TMEM132C: variants seen among roughly 807,000 people sequenced by gnomAD.
The protein encoded by TMEM132C is protein phosphatase 1, regulatory subunit 152.
A neutral mutation model predicts 61.4 loss-of-function variants in TMEM132C; 29 were observed. That is an observed-to-expected ratio of 0.47 (90% CI 0.35 to 0.64). The LOEUF (loss-of-function observed/expected upper bound fraction) is 0.64, where lower values mean the gene tolerates loss of function less well. Ranked by LOEUF, TMEM132C falls within the 30% of genes least tolerant of loss-of-function variation. The pLI is 0.00. For synonymous variants in TMEM132C, 656 were observed against 633.1 expected, an observed-to-expected ratio of 1.04 and a Z score of -0.54; for missense variants, 1,408 against 1,476.9, an observed-to-expected ratio of 0.95 and a Z score of 0.76.
chr12:128,448,947 C>T lies in TMEM132C; in HGVS notation c.974+33327C>T, dbSNP rs184284203. Among the ~76,000 whole-genome samples, 1,339 of 151,848 alleles carry T rather than the reference C, an allele frequency of 8.8e-3. 13 individuals are homozygous for T. The highest frequency in any genetic ancestry group is 0.011 in the Admixed American group (162 of 15,248). The stretch of plus-strand genomic sequence containing the variant: ...GGTCAGGAGATCGAGACCATCCTGG[C>T]TAACACGGCGAAACCCTGTCTCTAC... On this transcript the variant is annotated intron_variant, in intron 2 of 8. Transcript: ENST00000435159.
At chr12:128,608,510 A>G (rs1224553927) in intron 3 of TMEM132C, among the ~76,000 whole-genome samples, 1 of 152,246 alleles carries the variant, frequency 6.6e-6, no homozygotes, top group African/African-American at 2.4e-5. Context: ...GTCAGAATTC[A>G]AACCCAAATG....
intron 3 of TMEM132C, among the ~76,000 whole-genome samples, chr12:128,562,294 A>G (rs945619175): frequency 1.3e-5 from 2 of 152,228 alleles, no homozygotes; most frequent in African/African-American, 4.8e-5. Context: ...CTCTTAACAT[A>G]GAGAGATTAT....
intron 2 of TMEM132C, among the ~76,000 whole-genome samples, chr12:128,535,447 G>A (rs575746148): frequency 7.9e-5 from 12 of 152,196 alleles, no homozygotes; most frequent in South Asian, 4.2e-4. Flanking sequence ...CAGACACTTC[G>A]CAAAAGAAGA....
At position 128,358,565 on chromosome 12, in the gene TMEM132C, C is replaced by T. The variant is rs530165602; in HGVS notation, c.86-56167C>T. On this transcript the variant is annotated intron_variant, in intron 1 of 8. Transcript: ENST00000435159. ...GCCTGAACTTCCTAAAGAACCAGTA[C>T]GTGGCGTGATAGTTTTAGGAGCTAA... Among the ~76,000 whole-genome samples the T allele has an allele frequency of 1.9e-4, 28 of 146,114 alleles. 1 individual carries two copies. In the South Asian group the frequency reaches 4.2e-3, roughly 22 times the overall value.
At chr12:128,663,873 C>A (rs1331682372) in intron 4 of TMEM132C, among the ~76,000 whole-genome samples, 2 of 145,134 alleles carry the variant, frequency 1.4e-5, no homozygotes, top group Non-Finnish European at 3.1e-5. Flanking sequence ...CACAGGCACA[C>A]ACACATACAG....
intron 2 of TMEM132C, among the ~76,000 whole-genome samples, chr12:128,502,859 G>A (rs896927048): frequency 4.6e-5 from 7 of 152,210 alleles, no homozygotes; most frequent in Non-Finnish European, 1.0e-4. Flanking sequence ...TTTGGGCCGG[G>A]ATGCTCCCTT....
intron 2 of TMEM132C, among the ~76,000 whole-genome samples, chr12:128,439,720 T>C (rs1306448582): frequency 6.6e-6 from 1 of 152,144 alleles, no homozygotes; most frequent in Admixed American, 6.5e-5. Context: ...AGTATTTTTA[T>C]CTTTACTCTC....
At chr12:128,665,254 C>T (rs982084454) in intron 4 of TMEM132C, among the ~76,000 whole-genome samples, 2 of 150,356 alleles carry the variant, frequency 1.3e-5, no homozygotes, top group Non-Finnish European at 3.0e-5. Flanking sequence ...CACATAGGCA[C>T]TCGCACATAC....
At chr12:128,500,208 C>A (rs745713243) in intron 2 of TMEM132C, among the ~76,000 whole-genome samples, 6 of 152,264 alleles carry the variant, frequency 3.9e-5, no homozygotes, top group African/African-American at 7.2e-5. Context: ...AAAATTAATG[C>A]AAAATCTACT....
intron 3 of TMEM132C, among the ~76,000 whole-genome samples, chr12:128,580,367 G>C (rs978396084): frequency 5.9e-5 from 9 of 152,106 alleles, no homozygotes; most frequent in Non-Finnish European, 1.2e-4. Context: ...CTTGCAGTGA[G>C]CAGAGATCGC....
At chr12:128,428,804 C>G (rs1869284911) in intron 2 of TMEM132C, among the ~76,000 whole-genome samples, 1 of 152,158 alleles carries the variant, frequency 6.6e-6, no homozygotes, top group Non-Finnish European at 1.5e-5. Context: ...GACGGGTTCC[C>G]CAGCCTTTCT....
At chr12:128,473,269 C>T (rs1317184917) in intron 2 of TMEM132C, among the ~76,000 whole-genome samples, 178 of 1,342 alleles carry the variant, frequency 0.13, no homozygotes, top group African/African-American at 0.2. Flanking sequence ...CACTCCAACC[C>T]CTATCTTCAT....
intron 1 of TMEM132C, among the ~76,000 whole-genome samples, chr12:128,398,023 C>T (rs917596121): frequency 5.9e-5 from 9 of 152,134 alleles, no homozygotes; most frequent in Admixed American, 2.6e-4. Flanking sequence ...CCCCGATTAA[C>T]GTTAAGACCG....
chr12:128,479,013 G>T (rs897349070), intron 2 of TMEM132C, among the ~76,000 whole-genome samples: 1 of 152,222 alleles, frequency 6.6e-6, no homozygotes, highest in Non-Finnish European at 1.5e-5. Flanking sequence ...CTACATACAT[G>T]TAGGTGGCCT....
intron 4 of TMEM132C, among the ~76,000 whole-genome samples, chr12:128,622,125 A>G (rs1038471052): frequency 1.3e-5 from 2 of 151,634 alleles, no homozygotes; most frequent in African/African-American, 2.4e-5. Context: ...GGGCGAATCA[A>G]CTGAGGTCAG....
intron 1 of TMEM132C, among the ~76,000 whole-genome samples, chr12:128,399,520 AT>A (rs1256207443): frequency 6.6e-6 from 1 of 151,796 alleles, no homozygotes; most frequent in Non-Finnish European, 1.5e-5. Flanking sequence ...ATCCCTCCAG[AT>A]TTTTTTTTCT....
chr12:128,409,007 A>C (rs924167460), intron 1 of TMEM132C, among the ~76,000 whole-genome samples: 3 of 152,130 alleles, frequency 2.0e-5, no homozygotes, highest in Admixed American at 6.5e-5. Flanking sequence ...GAGAGAGAGC[A>C]ACTCCCGTCT....
At chr12:128,404,985 A>G (rs1026477432) in intron 1 of TMEM132C, among the ~76,000 whole-genome samples, 1 of 16,676 alleles carries the variant, frequency 6.0e-5, no homozygotes, top group Non-Finnish European at 2.4e-4. Context: ...CGTGCTGTCC[A>G]CATGGAGGCC....
At chr12:128,700,370 T>A (rs1489425) in intron 8 of TMEM132C, among the ~76,000 whole-genome samples, 151,427 of 152,370 alleles carry the variant, frequency 0.99, 75,260 homozygotes, top group East Asian at 1. Flanking sequence ...GTAATGAGCT[T>A]ATGGTAGAAG....
Sources: allele counts gnomAD v4.1 joint callset (sites outside exome capture counted in the v4.1 genomes callset), GRCh38; gene constraint gnomAD v4.1.1; transcripts MANE v1.5; gene names NCBI Gene and HGNC (gene_info 2026-07-23, HGNC 2026-07-21).